The following NMS variants were observed in gnomAD, a reference collection of about 807,000 sequenced individuals.
NMS encodes the protein neuromedin S, also known as neuromedin-S.
A neutral mutation model predicts 32.2 loss-of-function variants in NMS; 30 were observed. That is an observed-to-expected ratio of 0.93 (90% CI 0.70 to 1.26). NMS has a LOEUF of 1.26. Among genes scored for constraint, NMS ranks in the 50% most tolerant of loss-of-function variants. The pLI, the probability that NMS is intolerant of heterozygous loss-of-function variation, is 0.00. For missense variants in NMS, 190 were observed against 186.3 expected (o/e 1.02, Z -0.12); for synonymous variants, 76 against 58.5 (o/e 1.30, Z -1.37).
At chr2:100,472,689 G>A in intron 1 of NMS, 106 bp from the exon 2 acceptor site, 1 of 689,774 alleles carries the variant, frequency 1.4e-6, no homozygotes, top group East Asian at 2.7e-5. Context: ...TGGTTCTTTG[G>A]TGGTTTATTA....
intron 6 of NMS, among the ~76,000 whole-genome samples, chr2:100,480,231 C>T (rs575208662): frequency 6.6e-6 from 1 of 152,248 alleles, no homozygotes; most frequent in Non-Finnish European, 1.5e-5. Flanking sequence ...TCGAAGTTGG[C>T]GCTGTTAGGA....
chr2:100,478,719 C>T (rs1042786785), intron 5 of NMS, among the ~76,000 whole-genome samples: 5 of 152,228 alleles, frequency 3.3e-5, no homozygotes, highest in Non-Finnish European at 7.3e-5. Context: ...CCACATTGGC[C>T]TCCCAAATTG....
At chr2:100,482,342 T>G in intron 9 of NMS, 31 bp downstream of exon 9, 1 of 1,599,512 alleles carries the variant, frequency 6.3e-7, no homozygotes, top group Non-Finnish European at 8.6e-7. Flanking sequence ...TTCATCACCC[T>G]TTTTCTCTTT....
At position 100,481,115 on chromosome 2, in the gene NMS, A is replaced by G. The variant is rs754599111; in HGVS notation, c.373-11A>G. The G allele has an allele frequency of 6.2e-7, 1 of 1,613,892 alleles. No individual in the cohort carries two copies. Among genetic ancestry groups the G allele is most frequent in the Non-Finnish European group, 8.5e-7 (1 of 1,179,814 alleles). On this transcript the variant is annotated splice_polypyrimidine_tract_variant and intron_variant, in intron 7 of 9. Coordinates refer to ENST00000376865, the MANE Select transcript of NMS (RefSeq NM_001011717.1). ...TGGTTGCATAATGGCTTGTGTTTCT[A>G]TATGTTGCAGGATCACACTGCGACC...
intron 3 of NMS, among the ~76,000 whole-genome samples, chr2:100,474,890 T>C (rs1041406981): frequency 1.3e-5 from 2 of 152,194 alleles, no homozygotes; most frequent in Non-Finnish European, 2.9e-5. Flanking sequence ...GGAGCAAAAA[T>C]TCAGGCTGAA....
chr2:100,481,792 C>T (rs1301511542), intron 8 of NMS, among the ~76,000 whole-genome samples: 1 of 152,252 alleles, frequency 6.6e-6, no homozygotes, highest in African/African-American at 2.4e-5. Context: ...TGGCCCATCA[C>T]AGGCTGTAAG....
At chr2:100,479,502 C>T (rs1677176137) in intron 6 of NMS, 75 bp downstream of exon 6, 1 of 1,277,486 alleles carries the variant, frequency 7.8e-7, no homozygotes, top group African/African-American at 1.5e-5. Context: ...CATGCTGTCA[C>T]CTTGGGGCTT....
intron 1 of NMS, 79 bp downstream of exon 1, chr2:100,470,643 T>G (rs1335526355): frequency 5.4e-6 from 6 of 1,114,738 alleles, no homozygotes; most frequent in Non-Finnish European, 8.2e-6. Flanking sequence ...CCAGGGCAGC[T>G]CTGGAGGGAG....
At chr2:100,480,903 T>A (rs1171756815) in intron 7 of NMS, among the ~76,000 whole-genome samples, 1 of 152,090 alleles carries the variant, frequency 6.6e-6, no homozygotes, top group Admixed American at 6.5e-5. Context: ...AACGTGGCCA[T>A]GCATCAGAGT....
chr2:100,477,457 C>T (rs373059414), intron 5 of NMS, 43 bp downstream of exon 5: 1 of 1,424,894 alleles, frequency 7.0e-7, no homozygotes, highest in Non-Finnish European at 9.9e-7. Flanking sequence ...AAGTGGCTCT[C>T]CTCTGCATGT....
intron 2 of NMS, among the ~76,000 whole-genome samples, 190 bp downstream of exon 2, chr2:100,473,040 G>C (rs1050011154): frequency 5.3e-5 from 8 of 152,172 alleles, no homozygotes; most frequent in African/African-American, 1.9e-4. Flanking sequence ...CACTGTGTGA[G>C]AAAATAATGT....
intron 9 of NMS, 52 bp from the exon 10 acceptor site, chr2:100,483,200 G>C: frequency 6.4e-7 from 1 of 1,560,438 alleles, no homozygotes; most frequent in South Asian, 1.2e-5. Context: ...GCTTTGTCTT[G>C]ATTCCGAGAA....
chr2:100,475,470 C>T (rs1677091431), intron 3 of NMS, among the ~76,000 whole-genome samples: 1 of 152,108 alleles, frequency 6.6e-6, no homozygotes, highest in Non-Finnish European at 1.5e-5. Flanking sequence ...TTCTGGTCAC[C>T]ACATGGGATT....
chr2:100,478,173 G>A (rs1677147949), intron 5 of NMS, among the ~76,000 whole-genome samples: 1 of 152,052 alleles, frequency 6.6e-6, no homozygotes, highest in Non-Finnish European at 1.5e-5. Flanking sequence ...TGTTGGCCAG[G>A]CTGGTCTAAA....
chr2:100,476,056 C>T (rs1677105173), intron 3 of NMS, among the ~76,000 whole-genome samples: 2 of 149,980 alleles, frequency 1.3e-5, no homozygotes, highest in South Asian at 2.1e-4. Context: ...GCATATGAAA[C>T]GTTGAGCCGG....
chr2:100,477,565 C>T, intron 5 of NMS, 151 bp downstream of exon 5: 1 of 606,898 alleles, frequency 1.6e-6, no homozygotes, highest in Non-Finnish European at 2.9e-6. Flanking sequence ...CCTGGGGCTG[C>T]AGGGATTCTC....
intron 1 of NMS, among the ~76,000 whole-genome samples, chr2:100,471,245 A>G (rs978903669): frequency 6.6e-6 from 1 of 152,242 alleles, no homozygotes; most frequent in Non-Finnish European, 1.5e-5. Context: ...CAGAACAACT[A>G]CGGTTGGAAA....
At chr2:100,472,898 G>A in intron 2 of NMS, 48 bp downstream of exon 2, 1 of 1,173,624 alleles carries the variant, frequency 8.5e-7, no homozygotes, top group Non-Finnish European at 1.3e-6. Flanking sequence ...TCTGGACCTT[G>A]AATACATCAT....
At chr2:100,472,772 A>T (rs774617670) in intron 1 of NMS, 23 bp from the exon 2 acceptor site, 1 of 1,529,482 alleles carries the variant, frequency 6.5e-7, no homozygotes, top group Non-Finnish European at 9.0e-7. Flanking sequence ...TCTAATTAAT[A>T]ATTTTATGAT....
Sources: gnomAD v4.1 joint callset for allele counts (sites outside exome capture counted in the v4.1 genomes callset) on GRCh38, gnomAD v4.1.1 for gene constraint, MANE v1.5 for transcripts, NCBI Gene and HGNC (gene_info 2026-07-23, HGNC 2026-07-21) for gene names.